The following FGD4 variants were observed in gnomAD, a reference collection of about 807,000 sequenced individuals.
FGD4 encodes the protein FYVE, RhoGEF and PH domain containing 4, also known as FYVE, RhoGEF and PH domain-containing protein 4.
Under a neutral mutation model 102.0 loss-of-function variants are expected in FGD4, and 42 were observed. The observed-to-expected ratio is 0.41, with a 90% CI of 0.32 to 0.53. The LOEUF is 0.53. Ranked by LOEUF, FGD4 falls within the 20% of genes least tolerant of loss-of-function variation. The pLI is 0.21. For synonymous variants in FGD4, 380 were observed against 375.7 expected (o/e 1.01, Z -0.13); for missense variants, 902 against 1,078.2 (o/e 0.84, Z 2.29).
intron 1 of FGD4, among the ~76,000 whole-genome samples, chr12:32,414,287 T>TA (rs1369902062): frequency 1.3e-5 from 2 of 151,654 alleles, no homozygotes; most frequent in Non-Finnish European, 2.9e-5. Context: ...CTTTTTTTTT[T>TA]AAAAAATTAT....
rs141976873 is a variant in FGD4 at position 32,423,524 on chromosome 12, G to A, written c.166+23565G>A. Among the ~76,000 whole-genome samples, 1,465 of 147,470 alleles carry A rather than the reference G, an allele frequency of 9.9e-3. 22 individuals are homozygous for A. Among genetic ancestry groups the A allele is most frequent in the African/African-American group, 0.033 (1,306 of 40,078 alleles). On this transcript the variant is annotated intron_variant, in intron 1 of 16. Coordinates refer to ENST00000534526, the MANE Select transcript of FGD4 (RefSeq NM_001370298.3). ...GGAGAATTGCTTGAACCCGGGAGGC[G>A]AAGCTTGCAGTGAGCCGAGATCACG...
intron 10 of FGD4, among the ~76,000 whole-genome samples, chr12:32,619,400 G>A (rs533282003): frequency 7.9e-5 from 12 of 152,054 alleles, no homozygotes; most frequent in South Asian, 4.1e-4. Context: ...AGGCTGAGGC[G>A]GGCGGATCAC....
intron 14 of FGD4, among the ~76,000 whole-genome samples, chr12:32,628,589 G>A (rs1258974679): frequency 1.3e-5 from 2 of 151,966 alleles, no homozygotes; most frequent in Non-Finnish European, 2.9e-5. Context: ...TCCTGAGGTC[G>A]GGAGTTCAAG....
At chr12:32,602,422 G>T in intron 7 of FGD4, 105 bp downstream of exon 7, 1 of 1,349,552 alleles carries the variant, frequency 7.4e-7, no homozygotes. Flanking sequence ...GAGATACCTA[G>T]CCAAAATTCA....
At chr12:32,485,098 G>C (rs957474028) in intron 1 of FGD4, among the ~76,000 whole-genome samples, 1 of 151,952 alleles carries the variant, frequency 6.6e-6, no homozygotes, top group Non-Finnish European at 1.5e-5. Context: ...GTAGAGATGG[G>C]GTCTCACCAT....
intron 15 of FGD4, among the ~76,000 whole-genome samples, chr12:32,636,528 C>T (rs898190477): frequency 8.7e-5 from 13 of 149,018 alleles, no homozygotes; most frequent in African/African-American, 3.2e-4. Context: ...AGCTAAACTC[C>T]GTCTCAAAAA....
intron 1 of FGD4, among the ~76,000 whole-genome samples, chr12:32,478,729 T>A (rs1943647289): frequency 6.6e-6 from 1 of 152,228 alleles, no homozygotes. Context: ...CTCTCTTTGT[T>A]CTTCCATTTA....
chr12:32,556,599 G>A (rs574189621), intron 1 of FGD4, among the ~76,000 whole-genome samples: 2 of 152,258 alleles, frequency 1.3e-5, no homozygotes, highest in African/African-American at 4.8e-5. Context: ...GCTCACACCT[G>A]TAATCCCAGC....
intron 1 of FGD4, among the ~76,000 whole-genome samples, chr12:32,483,164 G>A (rs1050843247): frequency 2.6e-5 from 4 of 152,070 alleles, no homozygotes; most frequent in African/African-American, 4.8e-5. Context: ...AGCTTGTAAC[G>A]AATTGGTTAA....
chr12:32,640,575 AC>A lies in FGD4; in HGVS notation c.*43del, dbSNP rs557182812. ...CCATGGTGTGGAGGTCTCAGGACTT[AC>A]AGCTCAAGACATTCCCAGCTCTTCT... On this transcript the variant is annotated 3_prime_UTR_variant, in exon 17 of 17. Transcript: ENST00000534526. 25 of 1,612,418 alleles carry A rather than the reference AC, an allele frequency of 1.6e-5. No individual in the cohort carries two copies. In the South Asian group the frequency reaches 1.6e-4, roughly 11 times the overall value.
At chr12:32,621,545 T>A (rs561469249) in intron 11 of FGD4, among the ~76,000 whole-genome samples, 3 of 152,220 alleles carry the variant, frequency 2.0e-5, no homozygotes, top group Non-Finnish European at 4.4e-5. Flanking sequence ...AGCTGAAATT[T>A]CAGATTTTAA....
intron 1 of FGD4, among the ~76,000 whole-genome samples, chr12:32,474,321 T>C (rs1943529128): frequency 6.6e-6 from 1 of 152,118 alleles, no homozygotes; most frequent in South Asian, 2.1e-4. Flanking sequence ...AGTTGCAATA[T>C]AATAGCCAAA....
intron 1 of FGD4, among the ~76,000 whole-genome samples, chr12:32,546,134 T>G (rs868260937): frequency 6.6e-6 from 1 of 152,240 alleles, no homozygotes; most frequent in Non-Finnish European, 1.5e-5. Context: ...AGTAGACTCT[T>G]TAGCAAAATT....
intron 2 of FGD4, among the ~76,000 whole-genome samples, chr12:32,567,358 C>T (rs1043753594): frequency 1.3e-5 from 2 of 152,174 alleles, no homozygotes; most frequent in African/African-American, 2.4e-5. Context: ...ATTTAGGACT[C>T]TTATTCTAGG....
intron 1 of FGD4, among the ~76,000 whole-genome samples, chr12:32,481,392 A>G (rs533529349): frequency 4.7e-4 from 71 of 152,332 alleles, no homozygotes; most frequent in African/African-American, 1.6e-3. Context: ...ATCAAAGGAA[A>G]CTGGGTGAAT....
At chr12:32,414,227 C>T (rs12314009) in intron 1 of FGD4, among the ~76,000 whole-genome samples, 2,522 of 152,252 alleles carry the variant, frequency 0.017, 72 homozygotes, top group African/African-American at 0.056. Flanking sequence ...CTGCCTCGAC[C>T]TCCCAAAGTG....
intron 1 of FGD4, among the ~76,000 whole-genome samples, chr12:32,439,169 A>G (rs985609287): frequency 6.6e-6 from 1 of 152,096 alleles, no homozygotes; most frequent in Non-Finnish European, 1.5e-5. Flanking sequence ...TCTACTCTCA[A>G]CTTCTATGAG....
intron 1 of FGD4, among the ~76,000 whole-genome samples, chr12:32,552,583 T>TA (rs1378482175): frequency 6.6e-6 from 1 of 151,494 alleles, no homozygotes; most frequent in Non-Finnish European, 1.5e-5. Context: ...CTCTCGGCTT[T>TA]AACCAACATT....
intron 1 of FGD4, among the ~76,000 whole-genome samples, chr12:32,491,707 T>C (rs1423471435): frequency 1.3e-5 from 2 of 152,184 alleles, no homozygotes; most frequent in Non-Finnish European, 2.9e-5. Context: ...ATCATGAACA[T>C]TGTGGGCTAT....
Sources: gnomAD v4.1 joint callset for allele counts (sites outside exome capture counted in the v4.1 genomes callset) on GRCh38, gnomAD v4.1.1 for gene constraint, MANE v1.5 for transcripts, NCBI Gene and HGNC (gene_info 2026-07-23, HGNC 2026-07-21) for gene names.